The following PRRC2B variants were observed in gnomAD, a reference collection of about 807,000 sequenced individuals.
PRRC2B encodes the protein proline rich coiled-coil 2B.
Under a neutral mutation model 242.3 loss-of-function variants are expected in PRRC2B, and 68 were observed. The ratio of observed to expected loss-of-function variants is 0.28; its 90% confidence interval spans 0.23 to 0.34. The LOEUF (loss-of-function observed/expected upper bound fraction) is 0.34. Ranked by LOEUF, PRRC2B falls within the 10% of genes least tolerant of loss-of-function variation. PRRC2B has a pLI of 1.00. For missense variants in PRRC2B, 2,835 were observed against 2,954.8 expected (o/e 0.96, Z 0.94); for synonymous variants, 1,228 against 1,173.6 (o/e 1.05, Z -0.95).
At chr9:131,491,002 G>A (rs1944177885) in intron 28 of PRRC2B, 1 of 253,252 alleles carries the variant, frequency 3.9e-6, no homozygotes, top group Non-Finnish European at 7.8e-6. Flanking sequence ...CACTATCCTG[G>A]CAGTGTGCAG....
Position 131,475,533 on chromosome 9 carries a change from A to G in PRRC2B, c.3404A>G (p.His1135Arg). Residue 1135 changes from histidine to arginine, a missense_variant, in exon 16 of 32, where the codon CAT becomes CGT. His to Arg is a conservative substitution (Grantham distance 29). Around this residue, in one of 7 missense-constraint regions of PRRC2B, gnomAD observed 1,536 missense variants for 1,483.1 expected, o/e 1.04. Coordinates refer to ENST00000683519, the MANE Select transcript of PRRC2B (RefSeq NM_013318.4). ...KPRRRVASET[H>R]SEGSEYEELP... is the part of the protein sequence containing the mutation. ...CGACGGAGAGTTGCCAGTGAGACCC[A>G]TAGCGAGGGCTCAGAGTATGAAGAA... The G allele has an allele frequency of 6.2e-7, 1 of 1,612,382 alleles. No individual in the cohort carries two copies. The highest frequency in any genetic ancestry group is 8.5e-7 in the Non-Finnish European group (1 of 1,179,652).
intron 1 of PRRC2B, among the ~76,000 whole-genome samples, chr9:131,421,613 C>T (rs1035028683): frequency 2.6e-5 from 4 of 152,212 alleles, no homozygotes; most frequent in Admixed American, 2.6e-4. Flanking sequence ...GCCTCACGGC[C>T]AGGGCACGTT....
chr9:131,404,924 ATG>A (rs1837325806), intron 1 of PRRC2B, among the ~76,000 whole-genome samples: 1 of 152,216 alleles, frequency 6.6e-6, no homozygotes, highest in Admixed American at 6.5e-5. Flanking sequence ...AAGTGTGAGA[ATG>A]TGGTTCTGCA....
intron 9 of PRRC2B, 69 bp downstream of exon 9, chr9:131,447,873 A>T: frequency 6.7e-7 from 1 of 1,488,352 alleles, no homozygotes; most frequent in Non-Finnish European, 9.1e-7. Flanking sequence ...CAGGGATGGA[A>T]ACCCCCTGGC....
chr9:131,472,033 A>T (rs991686016), intron 14 of PRRC2B, among the ~76,000 whole-genome samples: 1 of 152,200 alleles, frequency 6.6e-6, no homozygotes, highest in African/African-American at 2.4e-5. Flanking sequence ...GAATTTCTGT[A>T]TCTTGTTCCT....
chr9:131,402,776 G>A (rs1347581689), intron 1 of PRRC2B, among the ~76,000 whole-genome samples: 1 of 152,200 alleles, frequency 6.6e-6, no homozygotes, highest in Non-Finnish European at 1.5e-5. Context: ...TTAAAAATGT[G>A]TTCCTATGTG....
Position 131,475,416 on chromosome 9 carries a change from C to A in PRRC2B, c.3287C>A (p.Ala1096Asp). ...SGLCGGGVLGARSIYCSSQRS... is the reference protein window; with the variant it reads ...SGLCGGGVLGDRSIYCSSQRS... ...CTCTGTGGTGGGGGGGTCCTGGGGG[C>A]CCGCAGCATCTACTGCAGCAGTCAG... is the stretch of plus-strand genomic sequence containing the variant. The change falls in exon 16 of 32, where the codon GCC becomes GAC. Residue 1096 changes from alanine to aspartate, a missense_variant. Around this residue, in one of 7 missense-constraint regions of PRRC2B, gnomAD observed 1,536 missense variants for 1,483.1 expected, o/e 1.04. Coordinates refer to ENST00000683519, the MANE Select transcript of PRRC2B (RefSeq NM_013318.4). 6.3e-7 allele frequency: 1 copy of A among 1,576,600 alleles called. No homozygotes were observed. Among genetic ancestry groups the A allele is most frequent in the Non-Finnish European group, 8.6e-7 (1 of 1,162,704 alleles).
chr9:131,392,808 G>C (rs551767860), upstream of PRRC2B, among the ~76,000 whole-genome samples: 1 of 152,028 alleles, frequency 6.6e-6, no homozygotes, highest in East Asian at 1.9e-4. Flanking sequence ...AGCTACTCAG[G>C]AGGCTGGGGC....
chr9:131,474,394 GC>G, intron 15 of PRRC2B, 59 bp from the exon 16 acceptor site: 2 of 1,415,212 alleles, frequency 1.4e-6, no homozygotes, highest in South Asian at 2.6e-5. Context: ...TCTGTGTTCA[GC>G]ATGGAAACCA....
intron 11 of PRRC2B, among the ~76,000 whole-genome samples, chr9:131,461,662 C>T (rs1943245665): frequency 6.6e-6 from 1 of 152,208 alleles, no homozygotes; most frequent in Admixed American, 6.5e-5. Context: ...CTGCCTCAGC[C>T]TCCCGAGTAG....
At position 131,471,009 on chromosome 9, in the gene PRRC2B, T is replaced by C. The variant is rs776484064; in HGVS notation, c.2107+26T>C. 23 of 1,548,696 alleles carry C rather than the reference T, an allele frequency of 1.5e-5. No homozygotes were observed. In the Admixed American group the frequency reaches 3.7e-4, roughly 25 times the overall value. ...GTAAGCACTGTGGTCTGACGGTCCA[T>C]ACCTGTATCACCCAGGATAGCGTGG... On this transcript the variant is annotated intron_variant, in intron 14 of 31. Coordinates refer to ENST00000683519, the MANE Select transcript of PRRC2B (RefSeq NM_013318.4).
intron 1 of PRRC2B, among the ~76,000 whole-genome samples, chr9:131,425,278 G>A (rs961631267): frequency 6.6e-6 from 1 of 152,040 alleles, no homozygotes; most frequent in Non-Finnish European, 1.5e-5. Flanking sequence ...GAGCTACCAC[G>A]CCTGACCTGA....
rs757534577 is a variant in PRRC2B at position 131,459,331 on chromosome 9, G to T, written c.1379G>T (p.Gly460Val). The change falls in exon 11 of 32, where the codon GGC becomes GTC. Residue 460 changes from glycine (G) to valine (V), a missense_variant. Gly to Val is a moderately radical substitution (Grantham distance 109). This residue lies in a region of PRRC2B where 626 missense variants were observed against 685.5 expected (regional missense o/e 0.91). Coordinates refer to ENST00000683519, the MANE Select transcript of PRRC2B (RefSeq NM_013318.4). ...DPQPPPRKLHGWAPGPDYQKS... is the reference protein window; with the variant it reads ...DPQPPPRKLHVWAPGPDYQKS... ...CAGCCACCGCCCAGGAAGCTTCATG[G>T]CTGGGCACCAGGCCCTGACTACCAG... is the stretch of plus-strand genomic sequence containing the variant. 6.8e-6 allele frequency: 11 copies of T among 1,613,662 alleles called. No homozygotes were observed. The highest frequency in any genetic ancestry group is 8.5e-6 in the Non-Finnish European group (10 of 1,179,688).
intron 22 of PRRC2B, 53 bp from the exon 23 acceptor site, chr9:131,483,306 A>G (rs1464787055): frequency 4.7e-6 from 7 of 1,502,630 alleles, no homozygotes; most frequent in Middle Eastern, 1.7e-4. Flanking sequence ...CCTCTGGGGA[A>G]TGTAGGGCCA....
Position 131,443,187 on chromosome 9 carries a change from G to T in PRRC2B, c.470-998G>T, listed in dbSNP as rs375398175. Among the ~76,000 whole-genome samples, 22 of 151,138 alleles carry T rather than the reference G, an allele frequency of 1.5e-4. No homozygotes were observed. In the South Asian group the frequency reaches 4.4e-3, roughly 30 times the overall value. On this transcript the variant is annotated intron_variant, in intron 5 of 31. Transcript: ENST00000683519. ...CTCGCTCTGTTGCCCAGGCTGGAGTGCATTGGCACGATCTCGGCTCACTGC... is the reference window on the plus strand; with the variant it reads ...CTCGCTCTGTTGCCCAGGCTGGAGTTCATTGGCACGATCTCGGCTCACTGC...
intron 10 of PRRC2B, among the ~76,000 whole-genome samples, chr9:131,458,933 C>T (rs1202152384): frequency 2.0e-5 from 3 of 152,018 alleles, no homozygotes; most frequent in Non-Finnish European, 2.9e-5. Context: ...TTTTTTGCAT[C>T]GGTGAAATAG....
intron 1 of PRRC2B, among the ~76,000 whole-genome samples, chr9:131,408,056 G>A (rs981448224): frequency 2.0e-5 from 3 of 152,308 alleles, no homozygotes; most frequent in South Asian, 4.1e-4. Flanking sequence ...GCCCTAATCC[G>A]CCTCCTGCAG....
chr9:131,404,368 C>T (rs1279903448), intron 1 of PRRC2B, among the ~76,000 whole-genome samples: 1 of 151,852 alleles, frequency 6.6e-6, no homozygotes, highest in Non-Finnish European at 1.5e-5. Flanking sequence ...TACAGGCATC[C>T]GCCACCATGC....
chr9:131,401,661 A>ATATTT (rs370150610), intron 1 of PRRC2B, among the ~76,000 whole-genome samples: 2,937 of 148,744 alleles, frequency 0.02, 56 homozygotes, highest in African/African-American at 0.036. Flanking sequence ...TAGTTTTTGT[A>ATATTT]TATTTTATTT....
Sources: gnomAD v4.1 joint callset for allele counts (sites outside exome capture counted in the v4.1 genomes callset) on GRCh38, gnomAD v4.1.1 for gene constraint, gnomAD v4.1.1 regional missense constraint, MANE v1.5 for transcripts, NCBI Gene and HGNC (gene_info 2026-07-23, HGNC 2026-07-21) for gene names.